MEIKIN: variants seen among roughly 807,000 people sequenced by gnomAD.
The protein encoded by MEIKIN is meiosis-specific kinetochore protein.
intron 5 of MEIKIN, among the ~76,000 whole-genome samples, chr5:131,929,166 T>G: frequency 6.6e-6 from 1 of 152,250 alleles, no homozygotes; most frequent in East Asian, 1.9e-4. Context: ...AATCCACTCA[T>G]AGTTTTATGG....
chr5:131,882,947 G>A (rs559416228), intron 8 of MEIKIN, among the ~76,000 whole-genome samples: 1 of 152,208 alleles, frequency 6.6e-6, no homozygotes, highest in Admixed American at 6.5e-5. Flanking sequence ...TATCCTGATT[G>A]CTCTATCTAA....
intron 10 of MEIKIN, among the ~76,000 whole-genome samples, chr5:131,852,515 C>T (rs1221798520): frequency 6.6e-6 from 1 of 152,128 alleles, no homozygotes; most frequent in East Asian, 1.9e-4. Flanking sequence ...CCTGCTATAA[C>T]ATAGATGAAT....
Position 131,831,849 on chromosome 5 carries a change from A to C in MEIKIN, c.976-12986T>G, listed in dbSNP as rs138150743. ...CAGAAACCCCTGATAAACTCATCAGATCTTGTGAGGCTTATTCACTATCAC... is the reference window on the plus strand; with the variant it reads ...CAGAAACCCCTGATAAACTCATCAGCTCTTGTGAGGCTTATTCACTATCAC... On this transcript the variant is annotated intron_variant, in intron 11 of 12. Coordinates refer to ENST00000442687, the MANE Select transcript of MEIKIN (RefSeq NM_001303622.2). Among the ~76,000 whole-genome samples, 8 of 152,322 alleles carry C rather than the reference A, an allele frequency of 5.3e-5. No individual in the cohort carries two copies. The East Asian group carries it at 1.5e-3, about 29-fold the overall frequency.
At chr5:131,846,172 T>G (rs1281198669) in intron 11 of MEIKIN, among the ~76,000 whole-genome samples, 1 of 152,110 alleles carries the variant, frequency 6.6e-6, no homozygotes, top group Non-Finnish European at 1.5e-5. Context: ...CTACATCCAG[T>G]AAAACTGTCC....
intron 11 of MEIKIN, among the ~76,000 whole-genome samples, chr5:131,838,901 G>T (rs192395906): frequency 4.0e-4 from 61 of 151,854 alleles, no homozygotes; most frequent in Middle Eastern, 3.4e-3. Flanking sequence ...CTAACTTTGG[G>T]GTAGGTTTCC....
chr5:131,897,142 A>T (rs1202473585), intron 8 of MEIKIN, among the ~76,000 whole-genome samples: 1 of 152,156 alleles, frequency 6.6e-6, no homozygotes, highest in Non-Finnish European at 1.5e-5. Flanking sequence ...TCACTTATGA[A>T]GCTTAGTTTG....
chr5:131,886,172 A>G (rs1158108684), intron 8 of MEIKIN, among the ~76,000 whole-genome samples: 1 of 152,180 alleles, frequency 6.6e-6, no homozygotes, highest in East Asian at 1.9e-4. Context: ...TCTAGAAAAT[A>G]GCTTCGAAAC....
chr5:131,901,487 T>C (rs1026332059), intron 8 of MEIKIN, among the ~76,000 whole-genome samples: 1 of 152,096 alleles, frequency 6.6e-6, no homozygotes, highest in African/African-American at 2.4e-5. Flanking sequence ...GCCAGCACCC[T>C]GCCATAATCA....
At chr5:131,808,208 G>A (rs1254632070) in intron 12 of MEIKIN, among the ~76,000 whole-genome samples, 1 of 152,142 alleles carries the variant, frequency 6.6e-6, no homozygotes, top group African/African-American at 2.4e-5. Flanking sequence ...ACTGACCTCA[G>A]ACACTGCTCG....
chr5:131,809,106 G>A (rs1772903477), intron 12 of MEIKIN, among the ~76,000 whole-genome samples: 1 of 152,066 alleles, frequency 6.6e-6, no homozygotes, highest in South Asian at 2.1e-4. Flanking sequence ...TATTGGGCTT[G>A]TTTTACATAT....
chr5:131,888,858 T>C (rs1413832856), intron 8 of MEIKIN, among the ~76,000 whole-genome samples: 3 of 152,240 alleles, frequency 2.0e-5, no homozygotes, highest in Non-Finnish European at 4.4e-5. Context: ...AACATGTAAG[T>C]CTTTAATCCA....
chr5:131,910,900 A>C (rs751555112), intron 8 of MEIKIN, among the ~76,000 whole-genome samples: 1 of 152,124 alleles, frequency 6.6e-6, no homozygotes, highest in Admixed American at 6.6e-5. Context: ...TATTTTCCAC[A>C]GCTAAAGCAA....
At position 131,930,760 on chromosome 5, in the gene MEIKIN, T is replaced by C. The variant is rs182414758; in HGVS notation, c.478+2753A>G. Among the ~76,000 whole-genome samples the C allele has an allele frequency of 3.7e-3, 562 of 152,176 alleles. 3 individuals carry two copies. Among genetic ancestry groups the C allele is most frequent in the African/African-American group, 0.013 (528 of 41,540 alleles). ...CCTCCCACCTCAGCCTCCTAAAGCA[T>C]TGGGATTATAGGCATGAGCCACTGT... On this transcript the variant is annotated intron_variant, in intron 5 of 12. Coordinates refer to ENST00000442687, the MANE Select transcript of MEIKIN (RefSeq NM_001303622.2).
chr5:131,836,870 T>C (rs1002467158), intron 11 of MEIKIN, among the ~76,000 whole-genome samples: 2 of 152,178 alleles, frequency 1.3e-5, no homozygotes, highest in African/African-American at 4.8e-5. Flanking sequence ...TGATAGTTTC[T>C]TTTGCCGTGG....
At chr5:131,860,280 G>GTTT (rs79369868) in intron 9 of MEIKIN, among the ~76,000 whole-genome samples, 264 of 100,626 alleles carry the variant, frequency 2.6e-3, no homozygotes, top group African/African-American at 9.1e-3. Context: ...TTTATGCCTA[G>GTTT]TTTTTTTTTT....
At chr5:131,829,473 G>C (rs563332789) in intron 11 of MEIKIN, among the ~76,000 whole-genome samples, 2 of 152,110 alleles carry the variant, frequency 1.3e-5, no homozygotes, top group Non-Finnish European at 2.9e-5. Context: ...GCACCCTATG[G>C]GAGAACAGGT....
chr5:131,900,220 G>A (rs930517305), intron 8 of MEIKIN, among the ~76,000 whole-genome samples: 1 of 152,222 alleles, frequency 6.6e-6, no homozygotes, highest in Admixed American at 6.5e-5. Flanking sequence ...ACAGCCAGGA[G>A]GAACATCTGT....
At chr5:131,892,667 C>T (rs1451309995) in intron 8 of MEIKIN, among the ~76,000 whole-genome samples, 1 of 152,182 alleles carries the variant, frequency 6.6e-6, no homozygotes, top group Admixed American at 6.5e-5. Flanking sequence ...CGAACTTCTT[C>T]CTTTAGCTCG....
At chr5:131,830,494 G>A (rs895638984) in intron 11 of MEIKIN, among the ~76,000 whole-genome samples, 2 of 152,194 alleles carry the variant, frequency 1.3e-5, no homozygotes, top group African/African-American at 2.4e-5. Context: ...GGCAATGATT[G>A]GAGATATAAC....
Sources: allele counts gnomAD v4.1 joint callset (sites outside exome capture counted in the v4.1 genomes callset), GRCh38; gene constraint gnomAD v4.1.1; transcripts MANE v1.5; gene names NCBI Gene and HGNC (gene_info 2026-07-23, HGNC 2026-07-21).